The following PSMD9 variants were observed in gnomAD, a reference collection of about 807,000 sequenced individuals.
The protein encoded by PSMD9 is 26S proteasome non-ATPase regulatory subunit 9.
PSMD9 carries 26 observed loss-of-function variants against 25.9 expected under a neutral mutation model. The ratio of observed to expected loss-of-function variants is 1.00; its 90% CI spans 0.73 to 1.39. PSMD9 has a LOEUF of 1.39. Among genes scored for constraint, PSMD9 ranks in the 40% most tolerant of loss-of-function variants. The pLI, the probability that PSMD9 is intolerant of heterozygous loss-of-function variation, is 0.00. For synonymous variants in PSMD9, 110 were observed against 114.5 expected (o/e 0.96, Z 0.25); for missense variants, 303 against 299.3 (o/e 1.01, Z -0.09).
chr12:121,905,468 C>T (rs1449294608), intron 4 of PSMD9, among the ~76,000 whole-genome samples: 1 of 151,498 alleles, frequency 6.6e-6, no homozygotes, highest in Non-Finnish European at 1.5e-5. Context: ...TCGTGATCCA[C>T]CTGCCTTGGC....
At chr12:121,902,336 A>T (rs1053154887) in intron 3 of PSMD9, 1 of 151,346 alleles carries the variant, frequency 6.6e-6, no homozygotes, top group African/African-American at 2.4e-5. Context: ...CCTGGTCAGG[A>T]CACATAGTTC....
intron 4 of PSMD9, among the ~76,000 whole-genome samples, chr12:121,913,387 A>C (rs73229956): frequency 0.027 from 4,032 of 151,842 alleles, 65 homozygotes; most frequent in Non-Finnish European, 0.041. Context: ...CCCTTTGCTC[A>C]TATTCTAATC....
chr12:121,912,934 C>A lies in PSMD9; in HGVS notation c.556-2922C>A, dbSNP rs1269990092. On this transcript the variant is annotated intron_variant, in intron 4 of 5. Coordinates refer to ENST00000541212, the MANE Select transcript of PSMD9 (RefSeq NM_002813.7). The stretch of plus-strand genomic sequence containing the variant: ...TCAAGTCCTTTGCTCATTTTCTTTT[C>A]TTTTCTTTTTTTTTTTTTTTGAGAC... Among the ~76,000 whole-genome samples the A allele has an allele frequency of 2.5e-3, 350 of 139,006 alleles. 2 individuals are homozygous for A. The highest frequency in any genetic ancestry group is 8.4e-3 in the African/African-American group (324 of 38,456). 91.2% of individuals were successfully genotyped at this position (139,006 alleles called of 152,430 possible).
intron 2 of PSMD9, chr12:121,899,315 C>T (rs1474411932): frequency 1.2e-5 from 4 of 326,376 alleles, no homozygotes; most frequent in African/African-American, 6.2e-5. Flanking sequence ...CTTCTGCTCA[C>T]CTCTCAGGGC....
chr12:121,916,222 G>A (rs1338859574), intron 5 of PSMD9, 62 bp from the exon 6 acceptor site: 17 of 1,587,390 alleles, frequency 1.1e-5, no homozygotes, highest in Admixed American at 5.0e-5. Context: ...GAAGGGCTCA[G>A]CCTCTGACCT....
intron 1 of PSMD9, chr12:121,893,757 C>T (rs542241022): frequency 2.6e-5 from 4 of 152,328 alleles, no homozygotes; most frequent in African/African-American, 7.2e-5. Flanking sequence ...GAGCTTATCT[C>T]GAGATCCTTA....
intron 3 of PSMD9, among the ~76,000 whole-genome samples, chr12:121,901,666 C>CTTCTTTTTTTTTTTT (rs1879401097): frequency 9.6e-5 from 9 of 93,610 alleles, no homozygotes; most frequent in African/African-American, 4.7e-4. Context: ...TTCATTCCTT[C>CTTCTTTTTTTTTTTT]TTTTTTTTTT....
At chr12:121,906,728 C>T (rs1879565627) in intron 4 of PSMD9, among the ~76,000 whole-genome samples, 1 of 151,368 alleles carries the variant, frequency 6.6e-6, no homozygotes, top group African/African-American at 2.4e-5. Flanking sequence ...GCAGGAGAAT[C>T]ACTTGAACCT....
intron 4 of PSMD9, among the ~76,000 whole-genome samples, chr12:121,913,845 A>G (rs1879812785): frequency 6.6e-6 from 1 of 151,830 alleles, no homozygotes; most frequent in Non-Finnish European, 1.5e-5. Flanking sequence ...CACTCTGTTA[A>G]TAGTGTCATT....
intron 3 of PSMD9, among the ~76,000 whole-genome samples, chr12:121,901,411 C>T (rs985222182): frequency 3.3e-5 from 5 of 152,126 alleles, no homozygotes; most frequent in Admixed American, 2.6e-4. Flanking sequence ...TGCCATGGTG[C>T]CATCATAGCT....
At chr12:121,904,312 C>T (rs1301444399) in intron 4 of PSMD9, among the ~76,000 whole-genome samples, 2 of 148,266 alleles carry the variant, frequency 1.3e-5, no homozygotes, top group African/African-American at 5.1e-5. Flanking sequence ...TGGTGGCTCA[C>T]TCCTGTAATC....
chr12:121,909,387 C>T (rs553352332), intron 4 of PSMD9, among the ~76,000 whole-genome samples: 22 of 151,654 alleles, frequency 1.5e-4, no homozygotes, highest in Admixed American at 4.6e-4. Context: ...AATCATAGCT[C>T]ACTGCAGCCT....
intron 4 of PSMD9, 63 bp from the exon 5 acceptor site, chr12:121,915,793 T>G (rs1208761900): frequency 1.2e-5 from 16 of 1,381,124 alleles, no homozygotes; most frequent in African/African-American, 1.4e-5. Context: ...GATCTCAGCA[T>G]TTTAGCCTGC....
chr12:121,895,332 C>T (rs1879200149), intron 2 of PSMD9, among the ~76,000 whole-genome samples: 1 of 152,058 alleles, frequency 6.6e-6, no homozygotes, highest in African/African-American at 2.4e-5. Context: ...AAAGAGCTAG[C>T]AGAGAGTACA....
intron 4 of PSMD9, among the ~76,000 whole-genome samples, chr12:121,908,487 A>C (rs919434014): frequency 7.2e-5 from 11 of 152,096 alleles, no homozygotes; most frequent in Admixed American, 7.2e-4. Context: ...CCCCAAAATA[A>C]TTTTTTAAAA....
chr12:121,914,805 G>C (rs919506084), intron 4 of PSMD9: 1 of 152,166 alleles, frequency 6.6e-6, no homozygotes, highest in Non-Finnish European at 1.5e-5. Context: ...GGTGAGCTGA[G>C]ATTGCACCAC....
In PSMD9 at chr12:121,916,425, A is replaced by T; in HGVS notation, c.*114A>T. 1 of 1,341,464 alleles carries T rather than the reference A, an allele frequency of 7.5e-7. No homozygotes were observed. The highest frequency in any genetic ancestry group is 1.1e-6 in the Non-Finnish European group (1 of 935,638). 83.1% of individuals were successfully genotyped at this position (1,341,464 alleles called of 1,614,324 possible). A position where few individuals can be genotyped will look rare whatever the true frequency, so the allele number is the denominator to read the frequency against. Reference sequence around the variant, plus strand: ...CATAAGGATCTGGAAGAGGCTTGTAACCTGAACTTCTGTGTGGTGGCAGTA... The same window carrying T: ...CATAAGGATCTGGAAGAGGCTTGTATCCTGAACTTCTGTGTGGTGGCAGTA... On this transcript the variant is annotated 3_prime_UTR_variant, in exon 6 of 6. Coordinates refer to ENST00000541212, the MANE Select transcript of PSMD9 (RefSeq NM_002813.7).
intron 4 of PSMD9, among the ~76,000 whole-genome samples, chr12:121,909,997 T>A (rs1038193576): frequency 1.3e-5 from 2 of 152,036 alleles, no homozygotes; most frequent in Admixed American, 6.6e-5. Context: ...GTAGCACCTG[T>A]GAGTGCGTCT....
At chr12:121,913,187 G>A (rs999516582) in intron 4 of PSMD9, among the ~76,000 whole-genome samples, 1 of 151,900 alleles carries the variant, frequency 6.6e-6, no homozygotes, top group Non-Finnish European at 1.5e-5. Flanking sequence ...TTTGTGATCT[G>A]CCCACCTTGG....
Sources: gnomAD v4.1 joint callset for allele counts (sites outside exome capture counted in the v4.1 genomes callset) on GRCh38, gnomAD v4.1.1 for gene constraint, MANE v1.5 for transcripts, NCBI Gene and HGNC (gene_info 2026-07-23, HGNC 2026-07-21) for gene names.